NSD1: variants seen among roughly 807,000 people sequenced by gnomAD.
NSD1 encodes histone-lysine N-methyltransferase, H3 lysine-36 specific.
A neutral mutation model predicts 242.7 loss-of-function variants in NSD1; 26 were observed. That is an observed-to-expected ratio of 0.11 (90% CI 0.08 to 0.15). The LOEUF (loss-of-function observed/expected upper bound fraction) is 0.15. Among genes scored for constraint, NSD1 ranks in the 10% least tolerant of loss-of-function variants. The probability of loss-of-function intolerance (pLI) is 1.00; values close to 1 mark genes in which losing one functional copy is unlikely to be tolerated. For missense variants in NSD1, 2,495 were observed against 3,272.8 expected (o/e 0.76, Z 5.80); for synonymous variants, 1,106 against 1,178.1 (o/e 0.94, Z 1.25).
At chr5:177,202,314 C>G (rs1762571434) in intron 3 of NSD1, among the ~76,000 whole-genome samples, 1 of 152,062 alleles carries the variant, frequency 6.6e-6, no homozygotes, top group Non-Finnish European at 1.5e-5. Context: ...ATCTGTCAGA[C>G]AGTGAGTTCT....
chr5:177,205,767 G>A (rs1011481977), intron 4 of NSD1, among the ~76,000 whole-genome samples: 1 of 148,394 alleles, frequency 6.7e-6, no homozygotes, highest in African/African-American at 2.6e-5. Flanking sequence ...TCTAGAAGGA[G>A]AAATAATAAT....
In NSD1 at chr5:177,290,042, T is replaced by A. The variant is rs182564266; in HGVS notation, c.6258+1117T>A. On this transcript the variant is annotated intron_variant, in intron 21 of 22. Coordinates refer to ENST00000439151, the MANE Select transcript of NSD1 (RefSeq NM_022455.5). ...CAGGGTTTCACTGTTGTTAGCCAGG[T>A]TGGTCTCGATCTCCTGACCTCGTGA... is the stretch of plus-strand genomic sequence containing the variant. 3.1e-3 allele frequency among the ~76,000 whole-genome samples: 473 copies of A among 151,778 alleles called. 1 individual carries two copies. Among genetic ancestry groups the A allele is most frequent in the East Asian group, 8.7e-3 (45 of 5,154 alleles).
chr5:177,172,085 T>A (rs1325994990), intron 2 of NSD1, among the ~76,000 whole-genome samples: 4 of 152,190 alleles, frequency 2.6e-5, no homozygotes, highest in Admixed American at 6.6e-5. Flanking sequence ...TTTATATAAT[T>A]GCTTGTGATA....
chr5:177,164,929 GCGAAA>G, intron 2 of NSD1, among the ~76,000 whole-genome samples: 1 of 150,350 alleles, frequency 6.7e-6, no homozygotes, highest in East Asian at 2.0e-4. Context: ...GGTGAGAAGA[GCGAAA>G]CTCTGTCTCA....
intron 12 of NSD1, among the ~76,000 whole-genome samples, chr5:177,252,539 CT>C (rs70991600): frequency 0.13 from 6,303 of 47,172 alleles, 396 homozygotes; most frequent in Non-Finnish European, 0.18. Context: ...GTAAAGTGTT[CT>C]TTTTTTTTTT....
Position 177,210,894 on chromosome 5 carries a change from A to G in NSD1, c.2495A>G (p.Lys832Arg). 1 of 1,614,214 alleles carries G rather than the reference A, an allele frequency of 6.2e-7. No individual in the cohort carries two copies. Among genetic ancestry groups the G allele is most frequent in the Non-Finnish European group, 8.5e-7 (1 of 1,180,044 alleles). Residue 832 changes from lysine (K) to arginine (R), a missense_variant, in exon 5 of 23, where the codon AAA becomes AGA. By Grantham distance (26) the Lys-to-Arg change is conservative (BLOSUM62 2). Coordinates refer to ENST00000439151, the MANE Select transcript of NSD1 (RefSeq NM_022455.5). ...SPLASISKSG[K>R]VDGLKLLNNM... ...TTGGCCAGCATTTCTAAAAGTGGGAAAGTGGATGGTCTAAAACTACTGAAC... is the reference window on the plus strand; with the variant it reads ...TTGGCCAGCATTTCTAAAAGTGGGAGAGTGGATGGTCTAAAACTACTGAAC...
At chr5:177,286,511 C>T (rs186486410) in intron 20 of NSD1, among the ~76,000 whole-genome samples, 2 of 152,124 alleles carry the variant, frequency 1.3e-5, no homozygotes, top group African/African-American at 2.4e-5. Flanking sequence ...ATACCAGATA[C>T]GATTCTAAGC....
intron 3 of NSD1, among the ~76,000 whole-genome samples, chr5:177,195,903 T>C (rs1762072721): frequency 6.6e-6 from 1 of 152,150 alleles, no homozygotes; most frequent in Admixed American, 6.6e-5. Context: ...TACTGCTTGC[T>C]CTCATGAGAA....
chr5:177,283,671 CT>C, intron 19 of NSD1, 115 bp from the exon 20 acceptor site: 1 of 1,188,826 alleles, frequency 8.4e-7, no homozygotes. Flanking sequence ...GATCTTTTCT[CT>C]GAGAGGTTCA....
intron 5 of NSD1, among the ~76,000 whole-genome samples, chr5:177,222,009 C>T (rs1764277886): frequency 6.6e-6 from 1 of 152,140 alleles, no homozygotes. Flanking sequence ...CAGGGTTTCA[C>T]CATTTTGGCC....
chr5:177,271,965 T>TA (rs748653933), intron 16 of NSD1, among the ~76,000 whole-genome samples: 7 of 150,622 alleles, frequency 4.6e-5, no homozygotes, highest in East Asian at 1.9e-4. Flanking sequence ...CTACTAAAAA[T>TA]AAAAAAAAAT....
intron 3 of NSD1, among the ~76,000 whole-genome samples, chr5:177,194,341 C>T (rs1175173508): frequency 7.2e-5 from 11 of 151,820 alleles, no homozygotes; most frequent in African/African-American, 2.4e-4. Context: ...CTCACTGAAG[C>T]CTTGATCTCC....
At chr5:177,179,437 A>G (rs576952554) in intron 2 of NSD1, among the ~76,000 whole-genome samples, 32 of 151,782 alleles carry the variant, frequency 2.1e-4, no homozygotes, top group Non-Finnish European at 3.2e-4. Flanking sequence ...CTGGTCTCGA[A>G]CTCCTGACCT....
At chr5:177,169,207 C>CT (rs1162156689) in intron 2 of NSD1, among the ~76,000 whole-genome samples, 1 of 152,122 alleles carries the variant, frequency 6.6e-6, no homozygotes, top group African/African-American at 2.4e-5. Flanking sequence ...GGAGCTGCTG[C>CT]TTAAGTCTAT....
At chr5:177,273,475 A>G (rs764030140) in intron 16 of NSD1, among the ~76,000 whole-genome samples, 197 bp from the exon 17 acceptor site, 2 of 152,182 alleles carry the variant, frequency 1.3e-5, no homozygotes, top group African/African-American at 2.4e-5. Flanking sequence ...TCTTAATACT[A>G]TGTCTGAATA....
chr5:177,218,452 G>A (rs1204285155), intron 5 of NSD1, among the ~76,000 whole-genome samples: 2 of 151,470 alleles, frequency 1.3e-5, no homozygotes, highest in Admixed American at 6.6e-5. Flanking sequence ...TGAAGGTCAT[G>A]TAGTTTTTTT....
chr5:177,227,099 G>A (rs1178581193), intron 5 of NSD1, among the ~76,000 whole-genome samples: 2 of 152,150 alleles, frequency 1.3e-5, no homozygotes, highest in Admixed American at 6.5e-5. Flanking sequence ...ATATTATGGA[G>A]TATGAGATAT....
chr5:177,251,491 A>C (rs367710970), intron 11 of NSD1, among the ~76,000 whole-genome samples: 5 of 152,176 alleles, frequency 3.3e-5, no homozygotes, highest in Admixed American at 1.3e-4. Flanking sequence ...CTCGTTTTCC[A>C]TGTAGCAGTC....
intron 14 of NSD1, chr5:177,265,567 G>C: frequency 9.0e-7 from 1 of 1,112,958 alleles, no homozygotes; most frequent in Non-Finnish European, 1.4e-6. Context: ...GGAGAGCCGG[G>C]CCTCAGCACA....
Sources: gnomAD v4.1 joint callset for allele counts (sites outside exome capture counted in the v4.1 genomes callset) on GRCh38, gnomAD v4.1.1 for gene constraint, MANE v1.5 for transcripts, NCBI Gene and HGNC (gene_info 2026-07-23, HGNC 2026-07-21) for gene names.